The following KLF8 variants were observed in gnomAD, a reference collection of about 807,000 sequenced individuals.
KLF8 encodes the protein KLF transcription factor 8, also known as Krueppel-like factor 8.
Under a neutral mutation model 18.2 loss-of-function variants are expected in KLF8, and 10 were observed. That is an observed-to-expected ratio of 0.55 (90% CI 0.34 to 0.93). KLF8 has a LOEUF of 0.93. Ranked by LOEUF, KLF8 falls within the 40% of genes least tolerant of loss-of-function variation. The probability of loss-of-function intolerance (pLI) is 0.02; values close to 1 mark genes in which losing one functional copy is unlikely to be tolerated. For synonymous variants in KLF8, 109 were observed against 97.3 expected, an observed-to-expected ratio of 1.12 and a Z score of -0.71; for missense variants, 264 against 277.9, an observed-to-expected ratio of 0.95 and a Z score of 0.36.
the KLF8 span, among the ~76,000 whole-genome samples, chrX:56,188,026 C>T: frequency 9.0e-6 from 1 of 110,826 alleles, no homozygotes; most frequent in African/African-American, 3.3e-5. Context: ...CTGGCCAGGG[C>T]AATTAGGCAG....
chrX:56,047,636 G>A, the KLF8 span, among the ~76,000 whole-genome samples: 6 of 111,108 alleles, frequency 5.4e-5, no homozygotes, highest in Non-Finnish European at 9.4e-5. Flanking sequence ...TGGTGTATAT[G>A]TGCCACATTT....
the KLF8 span, among the ~76,000 whole-genome samples, chrX:55,987,551 T>G: frequency 8.9e-6 from 1 of 112,136 alleles, no homozygotes; most frequent in Non-Finnish European, 1.9e-5. Flanking sequence ...TATGGCTGCA[T>G]AGTATTCCAT....
In KLF8 at chrX:56,270,205, A is replaced by C; in HGVS notation, c.782A>C (p.Gln261Pro). 8.3e-7 allele frequency: 1 copy of C among 1,209,684 alleles called. No homozygotes were observed. Among genetic ancestry groups the C allele is most frequent in the Non-Finnish European group, 1.1e-6 (1 of 894,287 alleles). The change falls in exon 5 of 6, where the codon CAG becomes CCG. Residue 261 changes from glutamine to proline, a missense_variant. Coordinates refer to ENST00000468660, the MANE Select transcript of KLF8 (RefSeq NM_007250.5). Reference sequence around the variant, plus strand: ...AGACCAGCAGCAATGGCCCAAATGCAGGGAGAAGAGTCGCTTGACTTGAAG... The same window carrying C: ...AGACCAGCAGCAATGGCCCAAATGCCGGGAGAAGAGTCGCTTGACTTGAAG... Reference protein sequence around the residue: ...QQEPAAMAQMQGEESLDLKRR... With the variant: ...QQEPAAMAQMPGEESLDLKRR...
At chrX:55,947,518 A>G in the KLF8 span, among the ~76,000 whole-genome samples, 1 of 107,421 alleles carries the variant, frequency 9.3e-6, no homozygotes, top group African/African-American at 3.4e-5. Flanking sequence ...GGATAGCATT[A>G]GGAGATACAC....
chrX:56,074,395 A>G, the KLF8 span, among the ~76,000 whole-genome samples: 1 of 111,015 alleles, frequency 9.0e-6, no homozygotes, highest in Non-Finnish European at 1.9e-5. Flanking sequence ...TTTTACCTCT[A>G]TGTGATCTTC....
chrX:56,085,059 A>C, the KLF8 span, among the ~76,000 whole-genome samples: 2 of 112,061 alleles, frequency 1.8e-5, no homozygotes, highest in African/African-American at 3.2e-5. Context: ...TGATGATTTT[A>C]GACAAATTTT....
At chrX:55,963,578 C>T in the KLF8 span, among the ~76,000 whole-genome samples, 12 of 111,783 alleles carry the variant, frequency 1.1e-4, no homozygotes, top group Non-Finnish European at 1.7e-4. Context: ...AAAATCATTT[C>T]TAAATATATA....
At chrX:55,938,562 T>C in the KLF8 span, among the ~76,000 whole-genome samples, 1 of 111,284 alleles carries the variant, frequency 9.0e-6, no homozygotes, top group African/African-American at 3.3e-5. Flanking sequence ...ATGCTCCAAT[T>C]AAAAGACACA....
the KLF8 span, among the ~76,000 whole-genome samples, chrX:56,134,687 A>G: frequency 8.9e-6 from 1 of 111,927 alleles, no homozygotes; most frequent in African/African-American, 3.2e-5. Context: ...TCTGAAAAGC[A>G]AAAAGAACAG....
chrX:56,187,724 C>G, the KLF8 span, among the ~76,000 whole-genome samples: 1 of 110,601 alleles, frequency 9.0e-6, no homozygotes, highest in East Asian at 2.9e-4. Flanking sequence ...TCAATATATG[C>G]AAATCAATAA....
the KLF8 span, among the ~76,000 whole-genome samples, chrX:55,988,629 G>T: frequency 9.0e-6 from 1 of 111,582 alleles, no homozygotes; most frequent in African/African-American, 3.3e-5. Context: ...TTGAAGTCAG[G>T]TAGCATGATG....
At chrX:56,240,246 A>G (rs2066526524) in intron 1 of KLF8, among the ~76,000 whole-genome samples, 1 of 112,119 alleles carries the variant, frequency 8.9e-6, no homozygotes, top group Non-Finnish European at 1.9e-5. Context: ...GAAATGGTCC[A>G]AGACTCTTCT....
the KLF8 span, among the ~76,000 whole-genome samples, chrX:56,072,246 A>G: frequency 8.9e-6 from 1 of 112,057 alleles, no homozygotes; most frequent in Non-Finnish European, 1.9e-5. Context: ...GAATTTTCCA[A>G]TTTGGAAATA....
At chrX:55,975,706 A>G in the KLF8 span, among the ~76,000 whole-genome samples, 1 of 112,224 alleles carries the variant, frequency 8.9e-6, no homozygotes, top group South Asian at 3.7e-4. Context: ...TTTGGCCAAT[A>G]CATTATATCA....
the KLF8 span, among the ~76,000 whole-genome samples, chrX:56,088,344 G>A: frequency 9.0e-6 from 1 of 110,503 alleles, no homozygotes; most frequent in Admixed American, 9.6e-5. Flanking sequence ...CTATTATAAA[G>A]GAGGTGTGAA....
intron 1 of KLF8, among the ~76,000 whole-genome samples, chrX:56,238,629 C>T (rs777746252): frequency 1.8e-5 from 2 of 111,637 alleles, no homozygotes; most frequent in Admixed American, 9.5e-5. Context: ...CACCACATTA[C>T]TCATCTGGCC....
chrX:55,973,228 G>A, the KLF8 span, among the ~76,000 whole-genome samples: 12 of 111,985 alleles, frequency 1.1e-4, no homozygotes, highest in East Asian at 2.8e-3. Flanking sequence ...AGACTCAAAT[G>A]TAAGCCCTAA....
At chrX:56,136,825 A>G in the KLF8 span, among the ~76,000 whole-genome samples, 5 of 110,267 alleles carry the variant, frequency 4.5e-5, no homozygotes, top group South Asian at 3.9e-4. Context: ...GCAACCTACA[A>G]AATGGGAGAA....
At chrX:56,050,771 A>T in the KLF8 span, among the ~76,000 whole-genome samples, 1 of 111,577 alleles carries the variant, frequency 9.0e-6, no homozygotes, top group South Asian at 3.7e-4. Context: ...TTTTCTGTAG[A>T]TGTCTATTAG....
Sources: allele counts gnomAD v4.1 joint callset (sites outside exome capture counted in the v4.1 genomes callset), GRCh38; gene constraint gnomAD v4.1.1; transcripts MANE v1.5; gene names NCBI Gene and HGNC (gene_info 2026-07-23, HGNC 2026-07-21).